The following GNA14 variants were observed in gnomAD, a reference collection of about 807,000 sequenced individuals.
GNA14 encodes G protein subunit alpha 14.
GNA14 carries 50 observed loss-of-function variants against 42.0 expected under a neutral mutation model. The ratio of observed to expected loss-of-function variants is 1.19; its 90% confidence interval spans 0.95 to 1.51. The LOEUF (loss-of-function observed/expected upper bound fraction) is 1.51, where lower values mean the gene tolerates loss of function less well. Among genes scored for constraint, GNA14 ranks in the 40% most tolerant of loss-of-function variants. The probability of loss-of-function intolerance (pLI) is 0.00; values close to 1 mark genes in which losing one functional copy is unlikely to be tolerated. For missense variants in GNA14, 473 were observed against 446.2 expected (o/e 1.06, Z -0.54); for synonymous variants, 173 against 163.1 (o/e 1.06, Z -0.46).
At chr9:77,481,790 T>C (rs1233867924) in intron 2 of GNA14, among the ~76,000 whole-genome samples, 1 of 152,220 alleles carries the variant, frequency 6.6e-6, no homozygotes, top group Non-Finnish European at 1.5e-5. Context: ...ATTGATCCCT[T>C]TACCATTATG....
chr9:77,596,461 T>G (rs1823469164), intron 1 of GNA14, among the ~76,000 whole-genome samples: 1 of 152,062 alleles, frequency 6.6e-6, no homozygotes, highest in Admixed American at 6.6e-5. Context: ...TTAACAAAGG[T>G]TCTTGCTGTA....
At chr9:77,576,449 T>C (rs1369685366) in intron 1 of GNA14, among the ~76,000 whole-genome samples, 2 of 152,162 alleles carry the variant, frequency 1.3e-5, no homozygotes, top group Non-Finnish European at 2.9e-5. Flanking sequence ...GAAGATAGAG[T>C]GACTTTTTTG....
chr9:77,445,736 T>C (rs1277623712), intron 2 of GNA14, among the ~76,000 whole-genome samples: 1 of 151,932 alleles, frequency 6.6e-6, no homozygotes, highest in Non-Finnish European at 1.5e-5. Flanking sequence ...CGAGACCCCA[T>C]CTTTAAAAAA....
intron 2 of GNA14, among the ~76,000 whole-genome samples, chr9:77,462,766 C>T (rs901032106): frequency 6.6e-6 from 1 of 152,034 alleles, no homozygotes; most frequent in Non-Finnish European, 1.5e-5. Context: ...TCAGCTTATC[C>T]TTTCTGCCCC....
intron 2 of GNA14, among the ~76,000 whole-genome samples, chr9:77,448,426 G>T (rs78997207): frequency 0.015 from 2,270 of 152,274 alleles, 23 homozygotes; most frequent in Non-Finnish European, 0.023. Context: ...TATAAAACAG[G>T]TTTTGTGTTA....
At position 77,431,390 on chromosome 9, in the gene GNA14, A is replaced by C. The variant is rs773540430; in HGVS notation, c.524T>G (p.Val175Gly). Residue 175 changes from valine to glycine, a missense_variant, in exon 4 of 7, where the codon GTG (valine) becomes GGG (glycine). Val to Gly is a moderately radical substitution (Grantham distance 109). Coordinates refer to ENST00000341700, the MANE Select transcript of GNA14 (RefSeq NM_004297.4). The part of the protein sequence containing the change: ...TPSFVPTQQD[V>G]LRVRVPTTGI... ...GGTGGTGGGCACTCGGACGCGAAGCACATCTTGTTGGGTAGGCACGAATGA... is the reference window on the plus strand; with the variant it reads ...GGTGGTGGGCACTCGGACGCGAAGCCCATCTTGTTGGGTAGGCACGAATGA... 6.2e-7 allele frequency: 1 copy of C among 1,613,760 alleles called. No homozygotes were observed. The highest frequency in any genetic ancestry group is 1.1e-5 in the South Asian group (1 of 91,030).
intron 1 of GNA14, among the ~76,000 whole-genome samples, chr9:77,646,483 G>GGGATAA (rs1181327037): frequency 2.0e-5 from 3 of 152,124 alleles, no homozygotes; most frequent in Admixed American, 6.5e-5. Flanking sequence ...TTAAACCCAG[G>GGGATAA]GGATAAGGAT....
At chr9:77,549,038 C>A (rs1423378142) in intron 1 of GNA14, among the ~76,000 whole-genome samples, 1 of 151,962 alleles carries the variant, frequency 6.6e-6, no homozygotes, top group African/African-American at 2.4e-5. Context: ...CTCCTGGGTT[C>A]AAGCGATTGC....
intron 1 of GNA14, among the ~76,000 whole-genome samples, chr9:77,566,954 C>T (rs1822978198): frequency 6.6e-6 from 1 of 152,106 alleles, no homozygotes; most frequent in African/African-American, 2.4e-5. Context: ...TTGCCATATA[C>T]CCAGGGCCCC....
chr9:77,487,045 A>G (rs1465817680), intron 2 of GNA14, among the ~76,000 whole-genome samples: 4 of 151,552 alleles, frequency 2.6e-5, no homozygotes, highest in Admixed American at 6.6e-5. Flanking sequence ...CAATATATAT[A>G]AATTGCAATA....
chr9:77,434,546 G>A (rs745529817), intron 2 of GNA14, 24 bp from the exon 3 acceptor site: 78 of 1,605,454 alleles, frequency 4.9e-5, no homozygotes, highest in Non-Finnish European at 6.5e-5. Flanking sequence ...AGAGAACCTT[G>A]CATCAGGCAA....
At chr9:77,537,072 TGTCA>T (rs1196579659) in intron 1 of GNA14, among the ~76,000 whole-genome samples, 1 of 152,186 alleles carries the variant, frequency 6.6e-6, no homozygotes, top group African/African-American at 2.4e-5. Flanking sequence ...CATGTCTCTG[TGTCA>T]GTAACATTTC....
intron 1 of GNA14, among the ~76,000 whole-genome samples, chr9:77,626,912 C>A (rs564812704): frequency 6.6e-6 from 1 of 151,960 alleles, no homozygotes; most frequent in Admixed American, 6.6e-5. Context: ...GATAGAGACA[C>A]GAACAACCCT....
intron 1 of GNA14, among the ~76,000 whole-genome samples, chr9:77,565,853 C>T (rs976485491): frequency 8.5e-5 from 13 of 152,116 alleles, no homozygotes; most frequent in Admixed American, 3.9e-4. Context: ...AAATAATGGG[C>T]ATTTAGGCTT....
At chr9:77,509,184 A>G (rs1219234583) in intron 2 of GNA14, among the ~76,000 whole-genome samples, 1 of 152,190 alleles carries the variant, frequency 6.6e-6, no homozygotes, top group African/African-American at 2.4e-5. Context: ...GGTACCTCAT[A>G]TAAGGGGAAT....
At chr9:77,498,380 AAAAAAAAAG>A (rs959077006) in intron 2 of GNA14, among the ~76,000 whole-genome samples, 13 of 130,906 alleles carry the variant, frequency 9.9e-5, no homozygotes, top group Non-Finnish European at 1.2e-4. Context: ...TCTCAAAAAA[AAAAAAAAAG>A]AAAAAAAAGA....
chr9:77,630,116 T>G (rs868141183), intron 1 of GNA14, among the ~76,000 whole-genome samples: 3,713 of 87,180 alleles, frequency 0.043, 144 homozygotes, highest in African/African-American at 0.25. Context: ...TTTTTTGTTT[T>G]TTTTTTTTTT....
At chr9:77,531,844 G>A (rs1202138079) in intron 1 of GNA14, among the ~76,000 whole-genome samples, 1 of 152,126 alleles carries the variant, frequency 6.6e-6, no homozygotes, top group East Asian at 1.9e-4. Flanking sequence ...CAGACATGGA[G>A]TATTTCAAAA....
intron 1 of GNA14, among the ~76,000 whole-genome samples, chr9:77,642,361 C>A (rs930070380): frequency 6.6e-6 from 1 of 152,114 alleles, no homozygotes; most frequent in Non-Finnish European, 1.5e-5. Flanking sequence ...GAACAGAAGC[C>A]ACAGACAAAA....
Sources: gnomAD v4.1 joint callset for allele counts (sites outside exome capture counted in the v4.1 genomes callset) on GRCh38, gnomAD v4.1.1 for gene constraint, MANE v1.5 for transcripts, NCBI Gene and HGNC (gene_info 2026-07-23, HGNC 2026-07-21) for gene names.